RNLS: variants seen among roughly 807,000 people sequenced by gnomAD.
The protein encoded by RNLS is renalase, FAD dependent amine oxidase.
In RNLS, 39 loss-of-function variants were observed where a neutral mutation model predicts 39.8. The ratio of observed to expected loss-of-function variants is 0.98; its 90% confidence interval spans 0.76 to 1.28. RNLS has a LOEUF of 1.28. Among genes scored for constraint, RNLS ranks in the 50% most tolerant of loss-of-function variants. RNLS has a pLI of 0.00. For missense variants in RNLS, 410 were observed against 413.3 expected (o/e 0.99, Z 0.07); for synonymous variants, 147 against 150.7 (o/e 0.98, Z 0.18).
At chr10:88,500,662 A>T (rs1419971582) in intron 4 of RNLS, among the ~76,000 whole-genome samples, 5 of 152,190 alleles carry the variant, frequency 3.3e-5, no homozygotes, top group Non-Finnish European at 7.4e-5. Flanking sequence ...ATGCAAAAGT[A>T]ATTGCGCTTT....
intron 4 of RNLS, among the ~76,000 whole-genome samples, chr10:88,428,518 G>A (rs934615612): frequency 2.0e-5 from 3 of 151,928 alleles, no homozygotes; most frequent in Non-Finnish European, 4.4e-5. Context: ...ATGTGGTTTT[G>A]ACCCTTGGAG....
intron 4 of RNLS, among the ~76,000 whole-genome samples, chr10:88,543,017 A>T (rs936133748): frequency 1.3e-5 from 2 of 152,176 alleles, no homozygotes; most frequent in Non-Finnish European, 2.9e-5. Flanking sequence ...CAACTCCATG[A>T]GGAGTTTTTG....
the RNLS span, among the ~76,000 whole-genome samples, chr10:88,266,872 AGCT>A: frequency 6.6e-6 from 1 of 151,902 alleles, no homozygotes; most frequent in East Asian, 1.9e-4. Context: ...TGCTGGTGTC[AGCT>A]GCTATCAGAG....
At chr10:88,175,400 T>C in the RNLS span, among the ~76,000 whole-genome samples, 3 of 152,154 alleles carry the variant, frequency 2.0e-5, no homozygotes. Flanking sequence ...AATTCCCTCT[T>C]AGTACTGATT....
At chr10:88,233,034 C>A in the RNLS span, among the ~76,000 whole-genome samples, 3 of 152,216 alleles carry the variant, frequency 2.0e-5, no homozygotes, top group Non-Finnish European at 4.4e-5. Context: ...GGTTAAGCAA[C>A]CTGCCTGATG....
intron 4 of RNLS, among the ~76,000 whole-genome samples, chr10:88,531,421 C>T (rs142762819): frequency 0.013 from 1,977 of 151,924 alleles, 28 homozygotes; most frequent in Non-Finnish European, 0.014. Flanking sequence ...ATTTGAAAAA[C>T]CCCCGTTAGA....
chr10:88,218,393 C>T, the RNLS span, among the ~76,000 whole-genome samples: 3 of 152,308 alleles, frequency 2.0e-5, no homozygotes, highest in East Asian at 1.9e-4. Context: ...CAATGGTGGG[C>T]GGGCTGCCGG....
At chr10:88,215,803 G>A in the RNLS span, among the ~76,000 whole-genome samples, 1 of 149,528 alleles carries the variant, frequency 6.7e-6, no homozygotes, top group Non-Finnish European at 1.5e-5. Context: ...TGGTTCAAGC[G>A]ATTCTCCTGC....
intron 6 of RNLS, among the ~76,000 whole-genome samples, chr10:88,303,772 C>T (rs1158244901): frequency 2.0e-5 from 3 of 152,176 alleles, no homozygotes; most frequent in Non-Finnish European, 4.4e-5. Flanking sequence ...AGCAGATCTT[C>T]CCCTTCCCCT....
chr10:88,551,098 T>C (rs1263240509), intron 4 of RNLS, among the ~76,000 whole-genome samples: 1 of 152,188 alleles, frequency 6.6e-6, no homozygotes, highest in Non-Finnish European at 1.5e-5. Flanking sequence ...GTGAACCACA[T>C]GGATCAGCTG....
chr10:88,427,121 A>G (rs1227759750), intron 4 of RNLS, among the ~76,000 whole-genome samples: 1 of 152,048 alleles, frequency 6.6e-6, no homozygotes, highest in African/African-American at 2.4e-5. Context: ...GGTTAAATAG[A>G]AAGAGGTTTG....
At chr10:88,527,282 T>C (rs2134224561) in intron 4 of RNLS, among the ~76,000 whole-genome samples, 1 of 152,262 alleles carries the variant, frequency 6.6e-6, no homozygotes, top group Non-Finnish European at 1.5e-5. Flanking sequence ...TAAAGGTCTA[T>C]CTCTGAGAAA....
chr10:88,277,008 T>C (rs551672897), intron 6 of RNLS, among the ~76,000 whole-genome samples: 20 of 152,328 alleles, frequency 1.3e-4, no homozygotes, highest in African/African-American at 4.3e-4. Context: ...ACCATGCTAC[T>C]ATAAAGACAC....
the RNLS span, among the ~76,000 whole-genome samples, chr10:88,207,756 C>T: frequency 6.6e-6 from 1 of 152,280 alleles, no homozygotes; most frequent in East Asian, 1.9e-4. Context: ...TCCCCTATCA[C>T]TGCTTCTAGG....
At chr10:88,461,275 G>C (rs868167722) in intron 4 of RNLS, among the ~76,000 whole-genome samples, 1 of 152,080 alleles carries the variant, frequency 6.6e-6, no homozygotes, top group Non-Finnish European at 1.5e-5. Flanking sequence ...CATGGGAAGA[G>C]GCTTTGGGTG....
chr10:88,219,315 A>G, the RNLS span, among the ~76,000 whole-genome samples: 1 of 152,240 alleles, frequency 6.6e-6, no homozygotes, highest in Admixed American at 6.5e-5. Context: ...TAGTAGGTCA[A>G]CATGCCCTTC....
the RNLS span, among the ~76,000 whole-genome samples, chr10:88,185,480 C>G: frequency 6.6e-6 from 1 of 152,032 alleles, no homozygotes; most frequent in Admixed American, 6.6e-5. Context: ...AGATAACATA[C>G]TATCTCTGCC....
intron 4 of RNLS, among the ~76,000 whole-genome samples, chr10:88,559,418 C>T (rs1332202414): frequency 6.6e-6 from 1 of 152,124 alleles, no homozygotes; most frequent in Non-Finnish European, 1.5e-5. Context: ...AGACCCCTGT[C>T]ATTTGTTCAA....
chr10:88,242,939 C>G, the RNLS span, among the ~76,000 whole-genome samples: 8 of 135,624 alleles, frequency 5.9e-5, no homozygotes, highest in African/African-American at 2.0e-4. Context: ...AAGAGCGAAA[C>G]TCTGTCAAAA....
Sources: allele counts gnomAD v4.1 joint callset (sites outside exome capture counted in the v4.1 genomes callset), GRCh38; gene constraint gnomAD v4.1.1; transcripts MANE v1.5; gene names NCBI Gene and HGNC (gene_info 2026-07-23, HGNC 2026-07-21).